PPIL2: variants seen among roughly 807,000 people sequenced by gnomAD.
PPIL2 encodes the protein peptidylprolyl isomerase like 2.
Under a neutral mutation model 75.2 loss-of-function variants are expected in PPIL2, and 50 were observed. The ratio of observed to expected loss-of-function variants is 0.66; its 90% CI spans 0.53 to 0.84. The LOEUF (loss-of-function observed/expected upper bound fraction) is 0.84. Among genes scored for constraint, PPIL2 ranks in the 40% least tolerant of loss-of-function variants. The pLI, the probability that PPIL2 is intolerant of heterozygous loss-of-function variation, is 0.00. For missense variants in PPIL2, 590 were observed against 685.0 expected (o/e 0.86, Z 1.55); for synonymous variants, 245 against 258.8 (o/e 0.95, Z 0.51).
intron 8 of PPIL2, 83 bp downstream of exon 8, chr22:21,682,609 C>T: frequency 4.3e-6 from 3 of 695,254 alleles, no homozygotes; most frequent in African/African-American, 2.5e-5. Context: ...ACCCCCACGT[C>T]AGGGCCCCTC....
chr22:21,687,898 C>T (rs1438736949), intron 13 of PPIL2, among the ~76,000 whole-genome samples, 166 bp downstream of exon 13: 1 of 152,208 alleles, frequency 6.6e-6, no homozygotes, highest in Non-Finnish European at 1.5e-5. Flanking sequence ...CCCTTGAGGC[C>T]CCAGCCCATC....
chr22:21,687,412 G>T (rs376609499), intron 12 of PPIL2, among the ~76,000 whole-genome samples: 9 of 152,242 alleles, frequency 5.9e-5, no homozygotes, highest in South Asian at 2.1e-4. Context: ...AATTAGCCAG[G>T]CATGGTGGCG....
In PPIL2 at chr22:21,666,058, CGTT is replaced by C. The variant is rs777207088; in HGVS notation, c.-38_-36del. On this transcript the variant is annotated 5_prime_UTR_variant, in exon 1 of 20. Coordinates refer to ENST00000398831, the MANE Select transcript of PPIL2 (RefSeq NM_014337.4). ...CGGCTCCATGGTCTGAGTTGTCAGC[CGTT>C]GTTTTTTCGTGCTCGCTAGTCGCCG... 6.2e-7 allele frequency: 1 copy of C among 1,607,554 alleles called. No homozygotes were observed. The highest frequency in any genetic ancestry group is 8.5e-7 in the Non-Finnish European group (1 of 1,176,584).
chr22:21,666,099 C>T lies in PPIL2; in HGVS notation c.-1C>T, dbSNP rs998618047. On this transcript the variant is annotated 5_prime_UTR_variant, in exon 1 of 20. Transcript: ENST00000398831. Reference sequence around the variant, plus strand: ...TCGCTAGTCGCCGCCGCCGCTCCGCCATGGGGAAGCGACAGCACCAAAAGG... The same window carrying T: ...TCGCTAGTCGCCGCCGCCGCTCCGCTATGGGGAAGCGACAGCACCAAAAGG... The T allele has an allele frequency of 1.9e-6, 3 of 1,613,504 alleles. No homozygotes were observed. The highest frequency in any genetic ancestry group is 1.7e-6 in the Non-Finnish European group (2 of 1,179,792).
chr22:21,686,711 C>T (rs2067378175), intron 11 of PPIL2, among the ~76,000 whole-genome samples, 153 bp downstream of exon 11: 1 of 152,202 alleles, frequency 6.6e-6, no homozygotes, highest in African/African-American at 2.4e-5. Flanking sequence ...GAACCCCTGC[C>T]AGCCCCATGA....
intron 15 of PPIL2, among the ~76,000 whole-genome samples, chr22:21,689,269 G>A (rs1299400381): frequency 3.9e-5 from 6 of 152,232 alleles, no homozygotes; most frequent in African/African-American, 1.4e-4. Context: ...GCAGTCTGGT[G>A]GCAGGAGGCA....
At chr22:21,674,524 C>T (rs2066756088) in intron 5 of PPIL2, among the ~76,000 whole-genome samples, 1 of 152,082 alleles carries the variant, frequency 6.6e-6, no homozygotes, top group South Asian at 2.1e-4. Flanking sequence ...TTGGGAGGCT[C>T]AGGTGGGCAG....
intron 10 of PPIL2, among the ~76,000 whole-genome samples, chr22:21,686,001 C>T (rs901797206): frequency 7.3e-5 from 11 of 151,272 alleles, no homozygotes; most frequent in African/African-American, 2.7e-4. Context: ...GAGACCTTAT[C>T]TCTACAAAAA....
At chr22:21,682,242 C>T (rs1417297112) in intron 7 of PPIL2, among the ~76,000 whole-genome samples, 195 bp from the exon 8 acceptor site, 2 of 152,186 alleles carry the variant, frequency 1.3e-5, no homozygotes, top group Non-Finnish European at 2.9e-5. Flanking sequence ...ACTGGCTCAT[C>T]GTCTGAGGCC....
downstream of PPIL2, chr22:21,699,625 A>C (rs1242544344): frequency 6.5e-6 from 1 of 152,708 alleles, no homozygotes; most frequent in Non-Finnish European, 1.5e-5. Flanking sequence ...TTCATGCACA[A>C]AGGCTAAACT....
Position 21,688,082 on chromosome 22 carries a change from G to A in PPIL2, c.997G>A (p.Gly333Ser), listed in dbSNP as rs1014586724. 1.2e-6 allele frequency: 2 copies of A among 1,614,216 alleles called. No individual in the cohort carries two copies. Among genetic ancestry groups the A allele is most frequent in the Non-Finnish European group, 1.7e-6 (2 of 1,180,034 alleles). ...RSIRNFVIQG[G>S]DPTGTGTGGE... ...GCTTTTGTTTTCACAGATCCAAGGG[G>A]GCGACCCCACAGGCACAGGCACGGG... is the stretch of plus-strand genomic sequence containing the variant. The change falls in exon 14 of 20, where the codon GGC (glycine) becomes AGC (serine). Residue 333 changes from glycine to serine, a missense_variant. Transcript: ENST00000398831.
In PPIL2 at chr22:21,682,529, G is replaced by C; in HGVS notation, c.477+3G>C. 6.3e-7 allele frequency: 1 copy of C among 1,578,532 alleles called. No homozygotes were observed. Among genetic ancestry groups the C allele is most frequent in the Non-Finnish European group, 8.6e-7 (1 of 1,163,534 alleles). ...GGCAGGACATCATCACCCTCCAGGT[G>C]AGTGTCCCCTGCCTGCCTGCCCCAG... On this transcript the variant is annotated splice_donor_region_variant and intron_variant, in intron 8 of 19. Transcript: ENST00000398831.
In PPIL2 at chr22:21,696,847, T is replaced by C. The variant is rs765914977; in HGVS notation, c.*1357T>C. ...GTCTCCCTGGATGCTGGGTGGCGCCTCATCTGCATCTCTGCCTCACCCCAT... is the reference window on the plus strand; with the variant it reads ...GTCTCCCTGGATGCTGGGTGGCGCCCCATCTGCATCTCTGCCTCACCCCAT... On this transcript the variant is annotated 3_prime_UTR_variant, in exon 20 of 20. Transcript: ENST00000398831. The C allele has an allele frequency of 6.3e-7, 1 of 1,574,954 alleles. No homozygotes were observed. The highest frequency in any genetic ancestry group is 8.6e-7 in the Non-Finnish European group (1 of 1,160,918).
chr22:21,672,748 A>G (rs1218607563), intron 5 of PPIL2, among the ~76,000 whole-genome samples: 2 of 152,162 alleles, frequency 1.3e-5, no homozygotes, highest in South Asian at 4.1e-4. Flanking sequence ...AGGGAGATCT[A>G]GTGTATTTTA....
intron 19 of PPIL2, 109 bp downstream of exon 19, chr22:21,695,179 G>A: frequency 7.0e-7 from 1 of 1,436,252 alleles, no homozygotes; most frequent in Non-Finnish European, 9.2e-7. Context: ...ACTGGTCCCG[G>A]CCGTGGGCTT....
chr22:21,674,855 G>T (rs1335131732), intron 5 of PPIL2, among the ~76,000 whole-genome samples: 1 of 152,208 alleles, frequency 6.6e-6, no homozygotes, highest in Middle Eastern at 3.2e-3. Flanking sequence ...TCTTCTCAGA[G>T]CGTGGTGGGG....
At chr22:21,685,395 G>A (rs1268849237) in intron 10 of PPIL2, among the ~76,000 whole-genome samples, 1 of 152,184 alleles carries the variant, frequency 6.6e-6, no homozygotes. Context: ...GCCTGGGACT[G>A]CACGGTGCCA....
rs773985694 is a variant in PPIL2, at chr22:21,694,823, G to A, written c.1332+6G>A. 3 of 1,595,720 alleles carry A rather than the reference G, an allele frequency of 1.9e-6. No individual in the cohort carries two copies. The Admixed American group carries it at 5.1e-5, about 27-fold the overall frequency. ...ATGAGGAGGCCGATGCCCAGGTGAGGGGGCACGATGCCACCACCTAGGAGG... is the reference window on the plus strand; with the variant it reads ...ATGAGGAGGCCGATGCCCAGGTGAGAGGGCACGATGCCACCACCTAGGAGG... On this transcript the variant is annotated splice_donor_region_variant and intron_variant, in intron 18 of 19. Coordinates refer to ENST00000398831, the MANE Select transcript of PPIL2 (RefSeq NM_014337.4).
At chr22:21,688,950 CAT>C in intron 15 of PPIL2, 101 bp downstream of exon 15, 1 of 1,141,718 alleles carries the variant, frequency 8.8e-7, no homozygotes, top group Non-Finnish European at 1.3e-6. Flanking sequence ...GGTTCTGAAT[CAT>C]ACCCAGACGG....
Sources: allele counts gnomAD v4.1 joint callset (sites outside exome capture counted in the v4.1 genomes callset), GRCh38; gene constraint gnomAD v4.1.1; transcripts MANE v1.5; gene names NCBI Gene and HGNC (gene_info 2026-07-23, HGNC 2026-07-21).